The following TENM2 variants were observed in gnomAD, a reference collection of about 807,000 sequenced individuals.
The protein encoded by TENM2 is teneurin transmembrane protein 2, also known as teneurin-2.
TENM2 carries 52 observed loss-of-function variants against 245.2 expected under a neutral mutation model. The ratio of observed to expected loss-of-function variants is 0.21; its 90% CI spans 0.17 to 0.27. The LOEUF (loss-of-function observed/expected upper bound fraction) is 0.27. Ranked by LOEUF, TENM2 falls within the 10% of genes least tolerant of loss-of-function variation. TENM2 has a pLI of 1.00. For synonymous variants in TENM2, 1,363 were observed against 1,438.9 expected (o/e 0.95, Z 1.19); for missense variants, 3,046 against 3,666.8 (o/e 0.83, Z 4.37).
intron 2 of TENM2, among the ~76,000 whole-genome samples, chr5:167,634,997 T>C (rs534136636): frequency 1.3e-5 from 2 of 152,340 alleles, no homozygotes; most frequent in African/African-American, 4.8e-5. Context: ...GATCCTAGCA[T>C]GTTGAAGTCT....
the TENM2 span, among the ~76,000 whole-genome samples, chr5:167,153,072 A>G: frequency 1.3e-5 from 2 of 150,982 alleles, no homozygotes; most frequent in African/African-American, 2.5e-5. Context: ...TTTTGCCTGA[A>G]CTGGCCATCA....
intron 12 of TENM2, among the ~76,000 whole-genome samples, chr5:168,137,042 C>T (rs1412763825): frequency 3.3e-5 from 5 of 152,182 alleles, no homozygotes; most frequent in Admixed American, 6.5e-5. Flanking sequence ...TCCATTTAAT[C>T]ATGCATGAGA....
At chr5:167,370,890 A>G (rs1219291954) in intron 1 of TENM2, among the ~76,000 whole-genome samples, 2 of 152,208 alleles carry the variant, frequency 1.3e-5, no homozygotes, top group Non-Finnish European at 2.9e-5. Flanking sequence ...TCTCTCTTTC[A>G]TTCAAAGCTG....
intron 2 of TENM2, among the ~76,000 whole-genome samples, chr5:167,710,804 G>T (rs984698456): frequency 6.6e-6 from 1 of 152,178 alleles, no homozygotes; most frequent in South Asian, 2.1e-4. Context: ...GATCACTGTG[G>T]TATGACAGAA....
intron 2 of TENM2, among the ~76,000 whole-genome samples, chr5:167,562,051 G>A (rs549907822): frequency 6.6e-5 from 10 of 152,212 alleles, no homozygotes; most frequent in African/African-American, 1.4e-4. Context: ...GGAGGGATTC[G>A]CTCTTGGAAG....
upstream of TENM2, among the ~76,000 whole-genome samples, chr5:167,280,800 ATCTATCTG>A (rs1331995985): frequency 2.8e-5 from 4 of 144,742 alleles, no homozygotes; most frequent in African/African-American, 1.1e-4. Context: ...CTATCTATCT[ATCTATCTG>A]TCATCTATCT....
rs1312487939 is a variant in TENM2, at chr5:168,233,740, GT to G, written c.5520+5613del. Among the ~76,000 whole-genome samples, 5 of 152,194 alleles carry G rather than the reference GT, an allele frequency of 3.3e-5. No individual in the cohort carries two copies. In the East Asian group the frequency reaches 7.7e-4, roughly 23 times the overall value. ...TACCCAAGACTGGGAAGAAAAAGAA[GT>G]TTAATTGGACTTACTTACAGTTCCA... On this transcript the variant is annotated intron_variant, in intron 25 of 28. Coordinates refer to ENST00000518659, the Ensembl canonical transcript of TENM2.
At chr5:167,044,081 G>A in the TENM2 span, among the ~76,000 whole-genome samples, 3 of 147,934 alleles carry the variant, frequency 2.0e-5, no homozygotes, top group Non-Finnish European at 4.6e-5. Flanking sequence ...AGGAAGGAAG[G>A]AAAGACTGTT....
intron 2 of TENM2, among the ~76,000 whole-genome samples, chr5:167,672,953 C>CTCATAAGA (rs1228767883): frequency 6.6e-6 from 1 of 151,258 alleles, no homozygotes; most frequent in Non-Finnish European, 1.5e-5. Flanking sequence ...CTCTTAATAG[C>CTCATAAGA]TCATAAGAGG....
the TENM2 span, among the ~76,000 whole-genome samples, chr5:167,177,240 T>G: frequency 6.6e-6 from 1 of 152,128 alleles, no homozygotes; most frequent in Non-Finnish European, 1.5e-5. Flanking sequence ...CTAGTAGTTA[T>G]GTAGTACAGC....
chr5:167,290,630 A>G (rs1731692569), intron 1 of TENM2, among the ~76,000 whole-genome samples: 1 of 152,142 alleles, frequency 6.6e-6, no homozygotes, highest in African/African-American at 2.4e-5. Flanking sequence ...TCTATCCACC[A>G]TACATTTCTT....
At chr5:167,437,609 T>C (rs1206562522) in intron 2 of TENM2, among the ~76,000 whole-genome samples, 1 of 152,122 alleles carries the variant, frequency 6.6e-6, no homozygotes, top group Non-Finnish European at 1.5e-5. Context: ...ATGGTTTGGC[T>C]GTGTCCCCAC....
the TENM2 span, among the ~76,000 whole-genome samples, chr5:167,122,857 G>A: frequency 6.6e-6 from 1 of 152,100 alleles, no homozygotes; most frequent in Admixed American, 6.5e-5. Flanking sequence ...GAGCTATAAA[G>A]GTGTGAGCTG....
the TENM2 span, among the ~76,000 whole-genome samples, chr5:167,238,806 T>A: frequency 6.6e-6 from 1 of 152,062 alleles, no homozygotes; most frequent in African/African-American, 2.4e-5. Flanking sequence ...ATTTGTATGA[T>A]CTTTCTTCAC....
chr5:167,350,904 TATATATATGGGATATATACATATGG>T lies in TENM2; in HGVS notation c.227-24285_227-24261del. On this transcript the variant is annotated intron_variant, in intron 1 of 28. Transcript: ENST00000518659. ...TATATATGGGATGTATACATATGGA[TATATATATGGGATATATACATATGG>T]ATATATATATGGGATATATACATAT... 2.3e-5 allele frequency among the ~76,000 whole-genome samples: 2 copies of T among 85,484 alleles called. 1 individual carries two copies. The highest frequency in any genetic ancestry group is 7.4e-5 in the African/African-American group (2 of 27,072). The allele number at this position is 85,484 out of a possible 152,430, so 56.1% of individuals were successfully genotyped here. A position where few individuals can be genotyped will look rare whatever the true frequency, so the allele number is the denominator to read the frequency against.
chr5:168,195,295 C>T (rs754360735), exon 15 of TENM2: 36 of 1,583,108 alleles, frequency 2.3e-5, no homozygotes, highest in Admixed American at 5.3e-5. Context: ...CAGGATGGCA[C>T]GTGAGTAGCT....
the TENM2 span, among the ~76,000 whole-genome samples, chr5:167,275,895 G>A: frequency 1.3e-5 from 2 of 152,020 alleles, no homozygotes; most frequent in African/African-American, 4.8e-5. Flanking sequence ...CCAGCACCAT[G>A]TTGAACAAGA....
chr5:168,170,906 A>T (rs957037939), intron 13 of TENM2, among the ~76,000 whole-genome samples: 3 of 152,202 alleles, frequency 2.0e-5, no homozygotes, highest in South Asian at 4.1e-4. Flanking sequence ...TGTTTTTTTC[A>T]CCTTGGCTTA....
intron 3 of TENM2, among the ~76,000 whole-genome samples, chr5:167,881,261 T>C (rs1773853494): frequency 1.3e-5 from 2 of 152,228 alleles, no homozygotes; most frequent in African/African-American, 2.4e-5. Context: ...ACATTGATGA[T>C]TGTACAGTGC....
Sources: gnomAD v4.1 joint callset for allele counts (sites outside exome capture counted in the v4.1 genomes callset) on GRCh38, gnomAD v4.1.1 for gene constraint, MANE v1.5 for transcripts, NCBI Gene and HGNC (gene_info 2026-07-23, HGNC 2026-07-21) for gene names.